Variants in TRPM5 observed in about 807,000 individuals in gnomAD.
The protein encoded by TRPM5 is transient receptor potential cation channel subfamily M member 5.
TRPM5 carries 121 observed loss-of-function variants against 124.9 expected under a neutral mutation model. That is an observed-to-expected ratio of 0.97 (90% confidence interval 0.84 to 1.13). The LOEUF (loss-of-function observed/expected upper bound fraction) is 1.13, where lower values mean the gene tolerates loss of function less well. Ranked by LOEUF, TRPM5 falls within the 50% of genes most tolerant of loss-of-function variation. The pLI is 0.00. For synonymous variants in TRPM5, 781 were observed against 700.5 expected (o/e 1.11, Z -1.81); for missense variants, 1,643 against 1,589.1 (o/e 1.03, Z -0.58).
chr11:2,414,009 G>GGGGGGCGCCCCCCCCCCCCC, intron 12 of TRPM5, 52 bp downstream of exon 17: 2 of 1,023,732 alleles, frequency 2.0e-6, no homozygotes, highest in Non-Finnish European at 2.9e-6. Context: ...GGCCCAGCTC[G>GGGGGGCGCCCCCCCCCCCCC]CCCGCCCACC....
At chr11:2,430,483 T>A in the TRPM5 span, among the ~76,000 whole-genome samples, 1 of 145,586 alleles carries the variant, frequency 6.9e-6, no homozygotes, top group South Asian at 2.3e-4. Flanking sequence ...TGGCTGGTTG[T>A]GGTAATTACA....
At chr11:2,413,143 AGGCCATACAGCG>A in exon 14 of TRPM5, 1 of 1,553,654 alleles carries the variant, frequency 6.4e-7, no homozygotes, top group Non-Finnish European at 8.7e-7. Context: ...CCGGCTCTGC[AGGCCATACAGCG>A]GGCTCTTCTC....
chr11:2,435,986 T>G, the TRPM5 span, among the ~76,000 whole-genome samples: 11 of 152,198 alleles, frequency 7.2e-5, no homozygotes, highest in African/African-American at 2.7e-4. This position sits in a 1 kb window ranked among gnomAD's most constrained non-coding sequence, Gnocchi z 4.1. Flanking sequence ...GCGTAGGCAG[T>G]TCTCGTGGTT....
intron 4 of TRPM5, among the ~76,000 whole-genome samples, chr11:2,419,047 G>T (rs1204744634): frequency 6.6e-6 from 1 of 152,114 alleles, no homozygotes; most frequent in Non-Finnish European, 1.5e-5. Context: ...GAAATGAGAT[G>T]TCTATATGTG....
chr11:2,425,071 G>A (rs889795310), upstream of TRPM5, among the ~76,000 whole-genome samples: 18 of 152,218 alleles, frequency 1.2e-4, no homozygotes, highest in African/African-American at 4.1e-4. Context: ...CCGCGCTGGT[G>A]GAGACGCCTG....
intron 12 of TRPM5, 147 bp from the exon 18 acceptor site, chr11:2,413,735 G>C: frequency 1.3e-6 from 1 of 799,506 alleles, no homozygotes; most frequent in Non-Finnish European, 2.1e-6. Context: ...CCCCCGTCCT[G>C]GTGGGCATGT....
At chr11:2,430,247 T>A in the TRPM5 span, among the ~76,000 whole-genome samples, 14 of 149,906 alleles carry the variant, frequency 9.3e-5, no homozygotes, top group African/African-American at 3.5e-4. Flanking sequence ...GCCACTCAGA[T>A]ACTGGCAGAA....
intron 8 of TRPM5, 30 bp from the exon 14 acceptor site, chr11:2,415,501 G>C (rs1216572181): frequency 6.8e-7 from 1 of 1,460,780 alleles, no homozygotes; most frequent in East Asian, 2.4e-5. Flanking sequence ...CGAGGGAAGG[G>C]GGACAAGAGA....
chr11:2,426,423 T>C (rs1375729499), upstream of TRPM5, among the ~76,000 whole-genome samples: 1 of 152,022 alleles, frequency 6.6e-6, no homozygotes, highest in Non-Finnish European at 1.5e-5. Context: ...GCCCAGGTCT[T>C]CTGCACCCCT....
the TRPM5 span, among the ~76,000 whole-genome samples, chr11:2,443,509 A>G: frequency 1.3e-5 from 2 of 152,164 alleles, no homozygotes; most frequent in Admixed American, 6.5e-5. The surrounding 1 kb of genome is among the most constrained non-coding windows in gnomAD (Gnocchi z 5.0). Context: ...GCCCAGCACA[A>G]GCTGGGACCC....
rs530777413 is a variant in TRPM5, at chr11:2,417,820, T to C, written c.916A>G (p.Ile306Val). 23 of 1,577,262 alleles carry C rather than the reference T, an allele frequency of 1.5e-5. No homozygotes were observed. The South Asian group carries it at 2.4e-4, about 17-fold the overall frequency. ...GTGAGCAGGTGCTGGTGTGAGGTGA[T>C]GTTCTGCAGCTGGGCACCAGAACAG... Residue 306 changes from isoleucine (I) to valine (V), a missense_variant, in exon 7 of 24, where the codon ATC becomes GTC. By Grantham distance (29) the Ile-to-Val change is conservative (BLOSUM62 3). Coordinates refer to ENST00000155858, the Ensembl canonical transcript of TRPM5.
chr11:2,422,489 G>T (rs1845787125), intron 1 of TRPM5, among the ~76,000 whole-genome samples, 168 bp from the exon 7 acceptor site: 1 of 151,520 alleles, frequency 6.6e-6, no homozygotes, highest in South Asian at 2.1e-4. Flanking sequence ...GGGGGTACCG[G>T]GGAGGTGCTG....
Position 2,411,532 on chromosome 11 carries a change from C to CGGGGCA in TRPM5, c.2608-12_2608-7dup, listed in dbSNP as rs1310648864. ...AAGAAGAAGACGTCCTTCATCTCCA[C>CGGGGCA]GGGGCAGGGGCAGAGAGAGGGACGT... On this transcript the variant is annotated splice_region_variant and splice_polypyrimidine_tract_variant and intron_variant, in intron 17 of 23. Coordinates refer to ENST00000155858, the Ensembl canonical transcript of TRPM5. 5 of 1,607,452 alleles carry CGGGGCA rather than the reference C, an allele frequency of 3.1e-6. No individual in the cohort carries two copies. Among genetic ancestry groups the CGGGGCA allele is most frequent in the Non-Finnish European group, 4.3e-6 (5 of 1,176,342 alleles).
At chr11:2,412,297 C>CG (rs1850468852) in intron 15 of TRPM5, 44 bp from the exon 21 acceptor site, 12 of 1,400,486 alleles carry the variant, frequency 8.6e-6, no homozygotes, top group Non-Finnish European at 1.2e-5. Context: ...TCCAGCCGCC[C>CG]TCGCTGGGGA....
In TRPM5 at chr11:2,419,448, GAAAAAAA is replaced by G. The variant is rs57385993; in HGVS notation, c.649+767_649+773del. 2.1e-4 allele frequency among the ~76,000 whole-genome samples: 29 copies of G among 137,438 alleles called. 3 individuals carry two copies. The highest frequency in any genetic ancestry group is 1.5e-3 in the Admixed American group (20 of 13,756). 90.2% of individuals were successfully genotyped at this position (137,438 alleles called of 152,430 possible). On this transcript the variant is annotated intron_variant, in intron 4 of 23. Coordinates refer to ENST00000155858, the Ensembl canonical transcript of TRPM5. Reference sequence around the variant, plus strand: ...CATGGTGCAACCCCGTCTCTACTGGGAAAAAAAAAAAAAAAAAAAGAGCCGGGCATGG... The same window carrying G: ...CATGGTGCAACCCCGTCTCTACTGGGAAAAAAAAAAAAGAGCCGGGCATGG...
Position 2,415,472 on chromosome 11 carries a change from C to G in TRPM5, c.1129-1G>C. 6.4e-7 allele frequency: 1 copy of G among 1,555,960 alleles called. No individual in the cohort carries two copies. ...CCATCACCTCCTCCAGGTCACAGGA[C>G]TTGGCGGCCATGGGCACCCGAGGGA... On this transcript the variant is annotated splice_acceptor_variant, in intron 8 of 23. Coordinates refer to ENST00000155858, the Ensembl canonical transcript of TRPM5. LOFTEE classifies it high-confidence loss of function.
At chr11:2,418,143 G>A (rs1469842788) in intron 6 of TRPM5, 24 bp downstream of exon 11, 7 of 1,525,948 alleles carry the variant, frequency 4.6e-6, no homozygotes, top group Admixed American at 1.9e-5. Context: ...GGGTCGGGAG[G>A]ACAGGGGAGG....
rs1845757223 is a variant in TRPM5, at chr11:2,420,545, A to G, written c.466-140T>C. On this transcript the variant is annotated intron_variant, in intron 3 of 23. Transcript: ENST00000155858. Reference sequence around the variant, plus strand: ...CTTCTGCCCGAGCCTTGGTTTCCCCACCCTTCAGACAAAAGGAGGGACGAA... The same window carrying G: ...CTTCTGCCCGAGCCTTGGTTTCCCCGCCCTTCAGACAAAAGGAGGGACGAA... 4.7e-6 allele frequency: 4 copies of G among 845,192 alleles called. No homozygotes were observed. The Admixed American group carries it at 9.3e-5, about 20-fold the overall frequency. The allele number at this position is 845,192 out of a possible 1,614,324, so 52.4% of individuals were successfully genotyped here. A position where few individuals can be genotyped will look rare whatever the true frequency, so the allele number is the denominator to read the frequency against.
At position 2,417,718 on chromosome 11, in the gene TRPM5, C is replaced by T. The variant is rs373218369; in HGVS notation, c.1009+9G>A. On this transcript the variant is annotated intron_variant, in intron 7 of 23. Coordinates refer to ENST00000155858, the Ensembl canonical transcript of TRPM5. Reference sequence around the variant, plus strand: ...TGGCGCCTGCCTTGCCCACCCTGCCCGCCCTCACCTTTCACCAGCGCCTTC... The same window carrying T: ...TGGCGCCTGCCTTGCCCACCCTGCCTGCCCTCACCTTTCACCAGCGCCTTC... 2.2e-5 allele frequency: 34 copies of T among 1,524,654 alleles called. No homozygotes were observed. The highest frequency in any genetic ancestry group is 7.1e-5 in the South Asian group (6 of 85,074). 94.4% of individuals were successfully genotyped at this position (1,524,654 alleles called of 1,614,324 possible). A position where few individuals can be genotyped will look rare whatever the true frequency, so the allele number is the denominator to read the frequency against.
Sources: allele counts gnomAD v4.1 joint callset (sites outside exome capture counted in the v4.1 genomes callset), GRCh38; gene constraint gnomAD v4.1.1; non-coding constraint Gnocchi (gnomAD v3.1); transcripts MANE v1.5; gene names NCBI Gene and HGNC (gene_info 2026-07-23, HGNC 2026-07-21).